The following UGT2B7 variants were observed in gnomAD, a reference collection of about 807,000 sequenced individuals.
UGT2B7 encodes UDP-glucuronosyltransferase 2B7.
In UGT2B7, 51 loss-of-function variants were observed where a neutral mutation model predicts 51.9. The observed-to-expected ratio is 0.98, with a 90% CI of 0.78 to 1.24. The LOEUF (loss-of-function observed/expected upper bound fraction) is 1.24. UGT2B7 is among the 50% of genes most tolerant of loss of function. The pLI, the probability that UGT2B7 is intolerant of heterozygous loss-of-function variation, is 0.00. For missense variants in UGT2B7, 727 were observed against 628.4 expected, an observed-to-expected ratio of 1.16 and a Z score of -1.68; for synonymous variants, 225 against 211.6, an observed-to-expected ratio of 1.06 and a Z score of -0.55.
chr4:69,094,839 C>A (rs1179569622), upstream of UGT2B7, among the ~76,000 whole-genome samples: 2 of 152,200 alleles, frequency 1.3e-5, no homozygotes, highest in African/African-American at 4.8e-5. Flanking sequence ...AACTCTAACG[C>A]TGCTTTATAA....
At position 69,096,783 on chromosome 4, in the gene UGT2B7, A is replaced by G. The variant is rs1719244038; in HGVS notation, c.263A>G (p.Asn88Ser). Residue 88 changes from asparagine (N) to serine (S), a missense_variant, in exon 1 of 6, where the codon AAT becomes AGT. Physicochemically the swap from Asn to Ser is conservative, Grantham distance 46. Coordinates refer to ENST00000305231, the MANE Select transcript of UGT2B7 (RefSeq NM_001074.4). Reference protein sequence around the residue: ...PTSLTKTELENFIMQQIKRWS... With the variant: ...PTSLTKTELESFIMQQIKRWS... ...TCTTTAACTAAAACTGAGTTGGAGA[A>G]TTTCATCATGCAACAGATTAAGAGA... 2 of 1,613,894 alleles carry G rather than the reference A, an allele frequency of 1.2e-6. No homozygotes were observed. The highest frequency in any genetic ancestry group is 2.7e-5 in the African/African-American group (2 of 74,928).
intron 1 of UGT2B7, among the ~76,000 whole-genome samples, chr4:69,054,707 C>T (rs539963674): frequency 1.7e-3 from 254 of 152,094 alleles, no homozygotes; most frequent in African/African-American, 6.0e-3. Flanking sequence ...TGCAAAGTGA[C>T]TCTGAAGAAG....
At position 69,064,349 on chromosome 4, in the gene UGT2B7, C is replaced by T. The variant is rs112148447; in HGVS notation, c.-159+12747C>T. Among the ~76,000 whole-genome samples, 699 of 152,244 alleles carry T rather than the reference C, an allele frequency of 4.6e-3. 7 individuals are homozygous for T. The highest frequency in any genetic ancestry group is 0.014 in the African/African-American group (591 of 41,542). The stretch of plus-strand genomic sequence containing the variant: ...AATTTTCCTTTGTTTTATGGTATGA[C>T]TTTATAGATTCTTGTTCTCTGTAAC... On this transcript the variant is annotated intron_variant, in intron 1 of 5. Coordinates refer to the UGT2B7 transcript ENST00000502942.
intron 3 of UGT2B7, among the ~76,000 whole-genome samples, chr4:69,105,810 A>T (rs1719577383): frequency 6.6e-6 from 1 of 152,192 alleles, no homozygotes; most frequent in East Asian, 1.9e-4. Flanking sequence ...ATTTCTTATA[A>T]GTAGCTTATT....
At chr4:69,077,702 T>C (rs1384602219) in intron 1 of UGT2B7, among the ~76,000 whole-genome samples, 1 of 152,180 alleles carries the variant, frequency 6.6e-6, no homozygotes, top group Non-Finnish European at 1.5e-5. Context: ...GGGGTTTTTC[T>C]TAACATATAA....
chr4:69,096,177 A>T (rs1719217812), upstream of UGT2B7, among the ~76,000 whole-genome samples: 1 of 152,194 alleles, frequency 6.6e-6, no homozygotes, highest in Admixed American at 6.6e-5. Context: ...TTTTGTGTCA[A>T]ATGGACTGCA....
At chr4:69,066,591 T>C (rs1718488217) in intron 1 of UGT2B7, 2 of 152,172 alleles carry the variant, frequency 1.3e-5, no homozygotes, top group Admixed American at 1.3e-4. Flanking sequence ...CATTTATTAT[T>C]TAAAAAGTCA....
intron 3 of UGT2B7, among the ~76,000 whole-genome samples, chr4:69,103,241 G>T (rs776521926): frequency 2.0e-5 from 3 of 152,072 alleles, no homozygotes; most frequent in African/African-American, 4.8e-5. Flanking sequence ...AATTGTGTAT[G>T]TGATCTACAT....
At chr4:69,098,718 T>G in intron 2 of UGT2B7, 30 bp downstream of exon 2, 1 of 1,601,544 alleles carries the variant, frequency 6.2e-7, no homozygotes, top group Non-Finnish European at 8.5e-7. Context: ...TTTTATTTTG[T>G]TGGCTTTGAA....
chr4:69,109,097 TC>T (rs1410873266), intron 5 of UGT2B7, among the ~76,000 whole-genome samples: 3 of 152,196 alleles, frequency 2.0e-5, no homozygotes, highest in African/African-American at 7.2e-5. Flanking sequence ...ATACTTCATT[TC>T]TTTTTATAGC....
At chr4:69,061,444 C>T (rs983961044) in intron 1 of UGT2B7, among the ~76,000 whole-genome samples, 2 of 152,208 alleles carry the variant, frequency 1.3e-5, no homozygotes, top group East Asian at 3.9e-4. Flanking sequence ...GGCAACTCCA[C>T]CTTCTATTCT....
intron 1 of UGT2B7, among the ~76,000 whole-genome samples, chr4:69,079,190 T>C (rs2109872673): frequency 6.6e-6 from 1 of 152,272 alleles, no homozygotes; most frequent in Non-Finnish European, 1.5e-5. Flanking sequence ...TGCCATGCCA[T>C]CAGGGTGTTT....
At chr4:69,053,844 G>A (rs1365446809) in intron 1 of UGT2B7, among the ~76,000 whole-genome samples, 1 of 152,190 alleles carries the variant, frequency 6.6e-6, no homozygotes, top group Non-Finnish European at 1.5e-5. Context: ...TGCTGAATAA[G>A]TAGAGTGGCA....
chr4:69,112,497 G>A lies in UGT2B7; in HGVS notation c.1351G>A (p.Asp451Asn). ...NVMKLSRIQH[D>N]QPVKPLDRAV... ...TATGAAATTATCAAGAATTCAACAT[G>A]ATCAACCAGTGAAGCCCCTGGATCG... The change falls in exon 6 of 6, where the codon GAT becomes AAT. Residue 451 changes from aspartate (D) to asparagine (N), a missense_variant. Asp to Asn is a conservative substitution (Grantham distance 23). Coordinates refer to ENST00000305231, the MANE Select transcript of UGT2B7 (RefSeq NM_001074.4). 6.2e-7 allele frequency: 1 copy of A among 1,613,846 alleles called. No individual in the cohort carries two copies. The highest frequency in any genetic ancestry group is 1.7e-4 in the Middle Eastern group (1 of 6,056).
chr4:69,112,756 CTG>C lies in UGT2B7; in HGVS notation c.*21_*22del. ...GATTAGTTATATCTGAGATTTGAAGCTGGAAAACCTGATAGGTGAGACTACTT... is the reference window on the plus strand; with the variant it reads ...GATTAGTTATATCTGAGATTTGAAGCGAAAACCTGATAGGTGAGACTACTT... On this transcript the variant is annotated 3_prime_UTR_variant, in exon 6 of 6. Transcript: ENST00000305231. 1 of 1,611,594 alleles carries C rather than the reference CTG, an allele frequency of 6.2e-7. No homozygotes were observed. The highest frequency in any genetic ancestry group is 8.5e-7 in the Non-Finnish European group (1 of 1,179,464).
In UGT2B7 at chr4:69,064,084, GAAAGAA is replaced by G. The variant is rs1560499713; in HGVS notation, c.-159+12484_-159+12489del. On this transcript the variant is annotated intron_variant, in intron 1 of 5. Transcript: ENST00000502942. ...AGAAAGAAAGAAAGAAAGAAAGAAA[GAAAGAA>G]AGAAAGAGAAAGAAAGAAAGAAAAA... 1.2e-3 allele frequency among the ~76,000 whole-genome samples: 128 copies of G among 106,558 alleles called. 4 individuals are homozygous for G. Among genetic ancestry groups the G allele is most frequent in the Middle Eastern group, 5.1e-3 (1 of 198 alleles). The allele number at this position is 106,558 out of a possible 152,430, so 69.9% of individuals were successfully genotyped here. A position where few individuals can be genotyped will look rare whatever the true frequency, so the allele number is the denominator to read the frequency against.
At chr4:69,104,170 A>G (rs1266494380) in intron 3 of UGT2B7, among the ~76,000 whole-genome samples, 1 of 152,056 alleles carries the variant, frequency 6.6e-6, no homozygotes, top group African/African-American at 2.4e-5. Flanking sequence ...ACCTGTGATC[A>G]CAGCTACTCG....
intron 1 of UGT2B7, chr4:69,069,555 C>T (rs757488552): frequency 6.6e-6 from 1 of 151,900 alleles, no homozygotes; most frequent in Admixed American, 6.6e-5. Flanking sequence ...ATGTGGCACT[C>T]ATTTTTAACA....
rs1719827110 is a variant in UGT2B7, at chr4:69,112,880, T to C, written c.*144T>C. On this transcript the variant is annotated 3_prime_UTR_variant, in exon 6 of 6. Transcript: ENST00000305231. ...AAAAATCTTTTCAAAATTTACTTTG[T>C]CAAATAAAAATTTGTTTTTCAGAGA... 1.2e-5 allele frequency: 16 copies of C among 1,307,378 alleles called. No homozygotes were observed. The South Asian group carries it at 2.1e-4, about 17-fold the overall frequency. 81.0% of individuals were successfully genotyped at this position (1,307,378 alleles called of 1,614,324 possible).
Sources: gnomAD v4.1 joint callset for allele counts (sites outside exome capture counted in the v4.1 genomes callset) on GRCh38, gnomAD v4.1.1 for gene constraint, MANE v1.5 for transcripts, NCBI Gene and HGNC (gene_info 2026-07-23, HGNC 2026-07-21) for gene names.